KMT2D: variants seen among roughly 807,000 people sequenced by gnomAD.
KMT2D encodes histone-lysine N-methyltransferase 2D.
A neutral mutation model predicts 512.7 loss-of-function variants in KMT2D; 55 were observed. The ratio of observed to expected loss-of-function variants is 0.11; its 90% confidence interval spans 0.09 to 0.13. The LOEUF (loss-of-function observed/expected upper bound fraction) is 0.13, where lower values mean the gene tolerates loss of function less well. KMT2D is among the 10% of genes least tolerant of loss of function. The probability of loss-of-function intolerance (pLI) is 1.00; values close to 1 mark genes in which losing one functional copy is unlikely to be tolerated. For missense variants in KMT2D, 6,061 were observed against 7,127.9 expected (o/e 0.85, Z 5.39); for synonymous variants, 2,995 against 2,904.0 (o/e 1.03, Z -1.01).
chr12:49,033,413 C>T lies in KMT2D; in HGVS notation c.11292G>A (p.Gln3764=). The part of the protein sequence containing the change: ...QQQQQQGPGV[Q]TNQALGPKPQ... ...GCTTGGGACCCAGAGCTTGGTTTGTCTGTACTCCAGGACCCTGCTGCTGTT... is the reference window on the plus strand; with the variant it reads ...GCTTGGGACCCAGAGCTTGGTTTGTTTGTACTCCAGGACCCTGCTGCTGTT... The change falls in exon 40 of 55, where the codon CAG becomes CAA. Residue 3764 remains glutamine (Q), a synonymous_variant. Coordinates refer to ENST00000301067, the MANE Select transcript of KMT2D (RefSeq NM_003482.4). 1 of 1,576,472 alleles carries T rather than the reference C, an allele frequency of 6.3e-7. No homozygotes were observed. Among genetic ancestry groups the T allele is most frequent in the Non-Finnish European group, 8.6e-7 (1 of 1,161,012 alleles).
At position 49,026,240 on chromosome 12, in the gene KMT2D, T is replaced by G; in HGVS notation, c.15726A>C (p.Val5242=). The part of the protein sequence containing the change: ...IGENNGRPEF[V]IKVIEQGLED... ...CCAGGCCCTGCTCGATGACTTTGAT[T>G]ACAAACTCCGGCCGCCCGTTGTTCT... The change falls in exon 49 of 55, where the codon GTA becomes GTC. Residue 5242 remains valine, a synonymous_variant. Transcript: ENST00000301067. The surrounding 1 kb of genome is among the most constrained non-coding windows in gnomAD (Gnocchi z 9.6). 1 of 1,603,702 alleles carries G rather than the reference T, an allele frequency of 6.2e-7. No individual in the cohort carries two copies. The highest frequency in any genetic ancestry group is 8.5e-7 in the Non-Finnish European group (1 of 1,171,278).
In KMT2D at chr12:49,054,059, C is replaced by T. The variant is rs1280814073; in HGVS notation, c.592G>A (p.Ala198Thr). 5.6e-6 allele frequency: 9 copies of T among 1,613,780 alleles called. No individual in the cohort carries two copies. Among genetic ancestry groups the T allele is most frequent in the Admixed American group, 5.0e-5 (3 of 59,986 alleles). ...GCPRLYHFPC[A>T]TASGSFLSMK... ...GATAGGAAGGAACCGCTGGCAGTCG[C>T]GCAGGGGAAGTGGTAAAGCCGTGGA... The change falls in exon 6 of 55, where the codon GCG becomes ACG. Residue 198 changes from alanine to threonine, a missense_variant. Transcript: ENST00000301067. The surrounding 1 kb of genome is among the most constrained non-coding windows in gnomAD (Gnocchi z 6.4).
At position 49,021,136 on chromosome 12, in the gene KMT2D, TGCCCAGCTTG is replaced by T. The variant is rs1942305930; in HGVS notation, c.*634_*643del. The stretch of plus-strand genomic sequence containing the variant: ...GGGTGCGGGGTCTCCTTGCCCGGCT[TGCCCAGCTTG>T]CCCTCCTAGGCAGCTGGGCGCCTCT... On this transcript the variant is annotated 3_prime_UTR_variant, in exon 55 of 55. Transcript: ENST00000301067. 5.0e-6 allele frequency: 1 copy of T among 198,806 alleles called. No individual in the cohort carries two copies. The highest frequency in any genetic ancestry group is 2.3e-5 in the African/African-American group (1 of 43,414). The allele number at this position is 198,806 out of a possible 1,614,324, so 12.3% of individuals were successfully genotyped here.
At position 49,042,183 on chromosome 12, in the gene KMT2D, G is replaced by T; in HGVS notation, c.6015C>A (p.Arg2005=). The T allele has an allele frequency of 6.2e-7, 1 of 1,611,600 alleles. No individual in the cohort carries two copies. The highest frequency in any genetic ancestry group is 1.1e-5 in the South Asian group (1 of 90,390). The change falls in exon 29 of 55, where the codon CGC becomes CGA. Residue 2005 remains arginine, a synonymous_variant. Coordinates refer to ENST00000301067, the MANE Select transcript of KMT2D (RefSeq NM_003482.4). The surrounding 1 kb of genome is among the most constrained non-coding windows in gnomAD (Gnocchi z 4.4). The part of the protein sequence containing the change: ...GLSYNQRSLQ[R]WEKDEELGQL... ...GGCCCAACTCCTCATCCTTCTCCCA[G>T]CGCTGAAGACTCCGCTGGTTATAGG...
Position 49,030,229 on chromosome 12 carries a change from T to C in KMT2D, c.13999+51A>G. The C allele has an allele frequency of 3.3e-6, 5 of 1,511,306 alleles. No individual in the cohort carries two copies. The East Asian group carries it at 1.2e-4, about 36-fold the overall frequency. 93.6% of individuals were successfully genotyped at this position (1,511,306 alleles called of 1,614,324 possible). On this transcript the variant is annotated intron_variant, in intron 43 of 54. Coordinates refer to ENST00000301067, the MANE Select transcript of KMT2D (RefSeq NM_003482.4). The stretch of plus-strand genomic sequence containing the variant: ...AAACTGTACAGCATACTAACTGGTT[T>C]GGACTCCAGCTACCAAACTCCACCA...
At position 49,032,138 on chromosome 12, in the gene KMT2D, T is replaced by C. The variant is rs779379837; in HGVS notation, c.12567A>G (p.Gly4189=). The C allele has an allele frequency of 1.2e-6, 2 of 1,613,814 alleles. No individual in the cohort carries two copies. Among genetic ancestry groups the C allele is most frequent in the South Asian group, 2.2e-5 (2 of 91,088 alleles). Residue 4189 remains glycine (G), a synonymous_variant, in exon 40 of 55, where the codon GGA becomes GGG. Coordinates refer to ENST00000301067, the MANE Select transcript of KMT2D (RefSeq NM_003482.4). ...GAAGCTGACCCACCGTAGGCATGAT[T>C]CCAACCCCAGGCAGACCCTGCCCAG... is the stretch of plus-strand genomic sequence containing the variant. The part of the protein sequence containing the change: ...LQSGQGLPGV[G]IMPTVGQLRA...
rs1219569798 is a variant in KMT2D at position 49,037,624 on chromosome 12, C to A, written c.9732G>T (p.Glu3244Asp). Residue 3244 changes from glutamate to aspartate, a missense_variant, in exon 35 of 55, where the codon GAG (glutamate) becomes GAT (aspartate). Physicochemically the swap from Glu to Asp is conservative, Grantham distance 45. Transcript: ENST00000301067. ...DKMESSLVAS[E>D]LPLLIEDLLE... ...ACAGGTCCTCAATGAGCAGGGGTAA[C>A]TCGCTGGCTACCAGTGAGCTCTCCA... 1 of 1,564,230 alleles carries A rather than the reference C, an allele frequency of 6.4e-7. No individual in the cohort carries two copies. Among genetic ancestry groups the A allele is most frequent in the Non-Finnish European group, 8.7e-7 (1 of 1,154,130 alleles).
rs766327958 is a variant in KMT2D, at chr12:49,044,460, G to C, written c.5026C>G (p.Pro1676Ala). 4.2e-5 allele frequency: 67 copies of C among 1,613,862 alleles called. No individual in the cohort carries two copies. The highest frequency in any genetic ancestry group is 5.5e-5 in the Non-Finnish European group (65 of 1,179,908). Residue 1676 changes from proline to alanine, a missense_variant, in exon 21 of 55, where the codon CCT (proline) becomes GCT (alanine). Physicochemically the swap from Pro to Ala is conservative, Grantham distance 27 (BLOSUM62 -1). Around this residue, in one of 16 missense-constraint regions of KMT2D, gnomAD observed 640 missense variants for 814.3 expected, o/e 0.79. Coordinates refer to ENST00000301067, the MANE Select transcript of KMT2D (RefSeq NM_003482.4). The surrounding 1 kb of genome is among the most constrained non-coding windows in gnomAD (Gnocchi z 6.4). ...CTTTCCTCGGTCTCCTCTTTGCCAG[G>C]CTCCACATCAGGGCTGACGGGGCCC... ...LEGPVSPDVE[P>A]GKEETEESKK...
rs2120532240 is a variant in KMT2D, at chr12:49,040,659, G to T, written c.7111C>A (p.Pro2371Thr). ...SPPSHPDIFR[P>T]GSYTDPYAQP... ...GCATATGGGTCAGTGTAGGAGCCAG[G>T]GCGAAAGATGTCTGGGTGACTTGGA... The change falls in exon 32 of 55, where the codon CCT becomes ACT. Residue 2371 changes from proline (P) to threonine (T), a missense_variant. Transcript: ENST00000301067. 1 of 1,613,822 alleles carries T rather than the reference G, an allele frequency of 6.2e-7. No individual in the cohort carries two copies. The highest frequency in any genetic ancestry group is 8.5e-7 in the Non-Finnish European group (1 of 1,179,824).
In KMT2D at chr12:49,051,680, T is replaced by C. The variant is rs2120674635; in HGVS notation, c.2003A>G (p.Glu668Gly). The change falls in exon 11 of 55, where the codon GAA (glutamate) becomes GGA (glycine). Residue 668 changes from glutamate (E) to glycine (G), a missense_variant. Coordinates refer to ENST00000301067, the MANE Select transcript of KMT2D (RefSeq NM_003482.4). ...CTCAGGCGGTGGGGACAAGGGAGAT[T>C]CCTCAGGCGGTGGAGACAGGCGTGA... ...VVSRLSPPPEESPLSPPPEES... is the reference protein window; with the variant it reads ...VVSRLSPPPEGSPLSPPPEES... The C allele has an allele frequency of 6.9e-7, 1 of 1,445,094 alleles. No homozygotes were observed. Among genetic ancestry groups the C allele is most frequent in the Non-Finnish European group, 9.2e-7 (1 of 1,083,936 alleles). The allele number at this position is 1,445,094 out of a possible 1,614,324, so 89.5% of individuals were successfully genotyped here.
In KMT2D at chr12:49,051,771, G is replaced by A. The variant is rs372919446; in HGVS notation, c.1912C>T (p.Pro638Ser). ...PPPEDSPMSP[P>S]PEESPMSPPP... ...GGGGACATAGGTGATTCTTCAGGTG[G>A]TGGGGACATAGGCGAGTCCTCAGGT... Residue 638 changes from proline to serine, a missense_variant, in exon 11 of 55, where the codon CCA (proline) becomes TCA (serine). Physicochemically the swap from Pro to Ser is moderately conservative, Grantham distance 74. Transcript: ENST00000301067. The A allele has an allele frequency of 1.9e-6, 3 of 1,610,716 alleles. No homozygotes were observed. In the African/African-American group the frequency reaches 4.0e-5, roughly 22 times the overall value.
At position 49,051,640 on chromosome 12, in the gene KMT2D, G is replaced by A. The variant is rs762922149; in HGVS notation, c.2043C>T (p.Ser681=). 1 of 1,573,912 alleles carries A rather than the reference G, an allele frequency of 6.4e-7. No individual in the cohort carries two copies. The highest frequency in any genetic ancestry group is 1.2e-5 in the South Asian group (1 of 83,988). Residue 681 remains serine (S), a synonymous_variant, in exon 11 of 55, where the codon TCC becomes TCT. Coordinates refer to ENST00000301067, the MANE Select transcript of KMT2D (RefSeq NM_003482.4). ...LSPPPEESPT[S]PPPEASRLSP... ...AGAGGCGTGAAGCCTCAGGTGGAGG[G>A]GACGTGGGAGACTCCTCAGGCGGTG...
At position 49,037,567 on chromosome 12, in the gene KMT2D, C is replaced by T. The variant is rs1592129545; in HGVS notation, c.9789G>A (p.Lys3263=). 1.9e-6 allele frequency: 3 copies of T among 1,554,046 alleles called. No homozygotes were observed. The highest frequency in any genetic ancestry group is 2.6e-6 in the Non-Finnish European group (3 of 1,148,360). ...GCTGCAACTGTGCTGAAAGCTGCTG[C>T]TTCTTCTGCAGCTCCTTCTTCTCAT... ...LEHEKKELQK[K]QQLSAQLQPA... is the part of the protein sequence containing the mutation. Residue 3263 remains lysine (K), a synonymous_variant, in exon 35 of 55, where the codon AAG becomes AAA. Transcript: ENST00000301067.
rs749441161 is a variant in KMT2D at position 49,040,712 on chromosome 12, G to A, written c.7058C>T (p.Pro2353Leu). The change falls in exon 32 of 55, where the codon CCC (proline) becomes CTC (leucine). Residue 2353 changes from proline to leucine, a missense_variant. By Grantham distance (98) the Pro-to-Leu change is moderately conservative. This residue lies in a region of KMT2D where 710 missense variants were observed against 647.3 expected (regional missense o/e 1.10). Coordinates refer to ENST00000301067, the MANE Select transcript of KMT2D (RefSeq NM_003482.4). ...AGAAGGTGCCAAAGCCTGGGCAGGG[G>A]GTGGCTCCTGGGGCCTTAGGCCCAA... ...PGLGLRPQEP[P>L]PAQALAPSPP... 7.4e-6 allele frequency: 12 copies of A among 1,613,622 alleles called. No homozygotes were observed. The East Asian group carries it at 2.5e-4, about 33-fold the overall frequency.
chr12:49,060,137 G>C lies in KMT2D; in HGVS notation c.-562C>G, dbSNP rs970537855. ...CCTCTCCCCGCCCCGGCCGGCGCCC[G>C]GGGCCGCGCGAGCTACGGCGACGCG... is the stretch of plus-strand genomic sequence containing the variant. On this transcript the variant is annotated 5_prime_UTR_variant, in exon 1 of 55. Coordinates refer to ENST00000301067, the MANE Select transcript of KMT2D (RefSeq NM_003482.4). 6.6e-6 allele frequency among the ~76,000 whole-genome samples: 1 copy of C among 151,124 alleles called. No individual in the cohort carries two copies. Among genetic ancestry groups the C allele is most frequent in the Non-Finnish European group, 1.5e-5 (1 of 67,678 alleles).
At chr12:49,045,147 G>T (rs1318580828) in intron 19 of KMT2D, among the ~76,000 whole-genome samples, 182 bp from the exon 20 acceptor site, 1 of 152,186 alleles carries the variant, frequency 6.6e-6, no homozygotes, top group East Asian at 1.9e-4. Context: ...CTCTGTCAGT[G>T]ACCCAGGGAG....
chr12:49,041,371 G>T lies in KMT2D; in HGVS notation c.6399C>A (p.Ala2133=). 1 of 1,591,926 alleles carries T rather than the reference G, an allele frequency of 6.3e-7. No homozygotes were observed. The highest frequency in any genetic ancestry group is 8.6e-7 in the Non-Finnish European group (1 of 1,168,820). Residue 2133 remains alanine (A), a synonymous_variant, in exon 32 of 55, where the codon GCC becomes GCA. Transcript: ENST00000301067. This position sits in a 1 kb window ranked among gnomAD's most constrained non-coding sequence, Gnocchi z 5.4. ...ACCCGTCCGCAGAGGTAGACAAGCC[G>T]GCGGGGGTAGTGGGGCTGCCAATGA... ...TIFIGSPTTP[A]GLSTSADGFL...
At position 49,052,095 on chromosome 12, in the gene KMT2D, G is replaced by C. The variant is rs1334315280; in HGVS notation, c.1588C>G (p.Pro530Ala). 5.0e-6 allele frequency: 8 copies of C among 1,613,360 alleles called. No homozygotes were observed. Among genetic ancestry groups the C allele is most frequent in the East Asian group, 4.5e-5 (2 of 44,840 alleles). ...GGGGATAGAGGCGTCTCAAGTGCAGGAGATGGGGGTGACTCTTCCGGTGGA... is the reference window on the plus strand; with the variant it reads ...GGGGATAGAGGCGTCTCAAGTGCAGCAGATGGGGGTGACTCTTCCGGTGGA... Reference protein sequence around the residue: ...LSPPEESPPSPALETPLSPPP... With the variant: ...LSPPEESPPSAALETPLSPPP... Residue 530 changes from proline to alanine, a missense_variant, in exon 11 of 55, where the codon CCT (proline) becomes GCT (alanine). Physicochemically the swap from Pro to Ala is conservative, Grantham distance 27. Around this residue, in one of 16 missense-constraint regions of KMT2D, gnomAD observed 848 missense variants for 838.5 expected, o/e 1.01. Coordinates refer to ENST00000301067, the MANE Select transcript of KMT2D (RefSeq NM_003482.4).
rs766498321 is a variant in KMT2D at position 49,033,979 on chromosome 12, T to C, written c.10741-15A>G. The C allele has an allele frequency of 2.3e-5, 36 of 1,538,744 alleles. No individual in the cohort carries two copies. The highest frequency in any genetic ancestry group is 1.4e-4 in the Admixed American group (7 of 50,606). Reference sequence around the variant, plus strand: ...TGTTTCCGGACCTAACATGGGAGGGTCGGAGAGGTCAGGCTGGGGCATGCT... The same window carrying C: ...TGTTTCCGGACCTAACATGGGAGGGCCGGAGAGGTCAGGCTGGGGCATGCT... On this transcript the variant is annotated splice_polypyrimidine_tract_variant and intron_variant, in intron 39 of 54. Coordinates refer to ENST00000301067, the MANE Select transcript of KMT2D (RefSeq NM_003482.4).
Sources: allele counts gnomAD v4.1 joint callset (sites outside exome capture counted in the v4.1 genomes callset), GRCh38; gene constraint gnomAD v4.1.1; regional missense constraint gnomAD v4.1.1; non-coding constraint Gnocchi (gnomAD v3.1); transcripts MANE v1.5; gene names NCBI Gene and HGNC (gene_info 2026-07-23, HGNC 2026-07-21).